The following PCDHGA1 variants were observed in gnomAD, a reference collection of about 807,000 sequenced individuals.
PCDHGA1 encodes protocadherin gamma-A1.
Under a neutral mutation model 58.0 loss-of-function variants are expected in PCDHGA1, and 32 were observed. The observed-to-expected ratio is 0.55, with a 90% CI of 0.42 to 0.74. PCDHGA1 has a LOEUF of 0.74. Ranked by LOEUF, PCDHGA1 falls within the 30% of genes least tolerant of loss-of-function variation. The pLI is 0.00. For missense variants in PCDHGA1, 1,205 were observed against 1,182.3 expected, an observed-to-expected ratio of 1.02 and a Z score of -0.28; for synonymous variants, 498 against 501.1, an observed-to-expected ratio of 0.99 and a Z score of 0.08.
At chr5:141,458,907 A>AT (rs759653270) in intron 1 of PCDHGA1, among the ~76,000 whole-genome samples, 1 of 151,752 alleles carries the variant, frequency 6.6e-6, no homozygotes, top group Non-Finnish European at 1.5e-5. Context: ...AATTTTTTCT[A>AT]TTTTTTGTGG....
At chr5:141,413,089 C>A in intron 1 of PCDHGA1, 1 of 1,401,120 alleles carries the variant, frequency 7.1e-7, no homozygotes, top group Non-Finnish European at 9.7e-7. Context: ...TACAGAGACA[C>A]CCTGAAGCCA....
chr5:141,374,406 T>A (rs748431130), intron 1 of PCDHGA1: 2 of 1,614,018 alleles, frequency 1.2e-6, no homozygotes, highest in East Asian at 2.2e-5. Context: ...AGTTTTAACA[T>A]CCTTGTCGAG....
At chr5:141,494,638 A>G (rs2099755799) in intron 1 of PCDHGA1, 169 bp from the exon 2 acceptor site, 1 of 896,388 alleles carries the variant, frequency 1.1e-6, no homozygotes, top group African/African-American at 1.8e-5. Context: ...GACCTCTGAG[A>G]CCTGAGGTGT....
rs2099412065 is a variant in PCDHGA1, at chr5:141,477,502, C to T, written c.2422-17305C>T. On this transcript the variant is annotated intron_variant, in intron 1 of 3. Coordinates refer to ENST00000517417, the MANE Select transcript of PCDHGA1 (RefSeq NM_018912.3). This position sits in a 1 kb window ranked among gnomAD's most constrained non-coding sequence, Gnocchi z 4.9. ...CTCCACAATCTTCTCAATCTTCCTACGACGTTTACATTGAAGAAAACAACC... is the reference window on the plus strand; with the variant it reads ...CTCCACAATCTTCTCAATCTTCCTATGACGTTTACATTGAAGAAAACAACC... 2 of 1,614,144 alleles carry T rather than the reference C, an allele frequency of 1.2e-6. No homozygotes were observed. Among genetic ancestry groups the T allele is most frequent in the Non-Finnish European group, 1.7e-6 (2 of 1,180,018 alleles).
At chr5:141,394,278 TACTC>T in intron 1 of PCDHGA1, 1 of 1,613,924 alleles carries the variant, frequency 6.2e-7, no homozygotes, top group East Asian at 2.2e-5. Flanking sequence ...CCAGGTCACT[TACTC>T]TGTGACCGAG....
intron 1 of PCDHGA1, chr5:141,413,663 AT>A (rs1344545568): frequency 6.2e-7 from 1 of 1,613,844 alleles, no homozygotes; most frequent in African/African-American, 1.3e-5. Flanking sequence ...GAAGCTATTG[AT>A]CCGGATGTGG....
intron 1 of PCDHGA1, among the ~76,000 whole-genome samples, chr5:141,445,953 T>C (rs550111391): frequency 2.0e-4 from 31 of 152,308 alleles, no homozygotes; most frequent in Middle Eastern, 3.4e-3. Flanking sequence ...CTCTGGCTGC[T>C]ATATGGAGAA....
At position 141,485,811 on chromosome 5, in the gene PCDHGA1, C is replaced by T; in HGVS notation, c.2422-8996C>T. 6.2e-7 allele frequency: 1 copy of T among 1,614,220 alleles called. No homozygotes were observed. The highest frequency in any genetic ancestry group is 8.5e-7 in the Non-Finnish European group (1 of 1,180,028). ...CAATCGGACTACCGCCTGGTGCTGA[C>T]TGCTGTCGATGGAGGGAACCCGCCG... On this transcript the variant is annotated intron_variant, in intron 1 of 3. Transcript: ENST00000517417. This position sits in a 1 kb window ranked among gnomAD's most constrained non-coding sequence, Gnocchi z 5.7.
chr5:141,361,128 C>T, intron 1 of PCDHGA1: 1 of 1,613,960 alleles, frequency 6.2e-7, no homozygotes, highest in African/African-American at 1.3e-5. Context: ...CAGCCCACTG[C>T]AGTATCCAAG....
intron 1 of PCDHGA1, among the ~76,000 whole-genome samples, chr5:141,369,456 C>T (rs920730246): frequency 5.3e-5 from 8 of 152,070 alleles, no homozygotes; most frequent in Non-Finnish European, 8.8e-5. Flanking sequence ...TGCTTAAAGC[C>T]AGGTGTTCTA....
chr5:141,421,418 G>C, intron 1 of PCDHGA1: 1 of 1,614,086 alleles, frequency 6.2e-7, no homozygotes, highest in Middle Eastern at 1.7e-4. Context: ...GCGAAGCGCG[G>C]AGTCCGCATC....
intron 2 of PCDHGA1, among the ~76,000 whole-genome samples, chr5:141,502,725 G>A (rs1020846462): frequency 2.0e-5 from 3 of 152,150 alleles, no homozygotes; most frequent in Non-Finnish European, 4.4e-5. Context: ...ATTACAAAGC[G>A]GTGATGTTCT....
chr5:141,346,009 C>T (rs747365510), intron 1 of PCDHGA1: 3 of 1,613,514 alleles, frequency 1.9e-6, no homozygotes, highest in Admixed American at 1.7e-5. Context: ...GCCACTGTCA[C>T]GCTCACCGTG....
Position 141,477,486 on chromosome 5 carries a change from C to A in PCDHGA1, c.2422-17321C>A. On this transcript the variant is annotated intron_variant, in intron 1 of 3. Coordinates refer to ENST00000517417, the MANE Select transcript of PCDHGA1 (RefSeq NM_018912.3). This position sits in a 1 kb window ranked among gnomAD's most constrained non-coding sequence, Gnocchi z 4.9. ...GACATCAATGACAACCCTCCACAAT[C>A]TTCTCAATCTTCCTACGACGTTTAC... is the stretch of plus-strand genomic sequence containing the variant. The A allele has an allele frequency of 6.2e-7, 1 of 1,614,170 alleles. No homozygotes were observed. The highest frequency in any genetic ancestry group is 8.5e-7 in the Non-Finnish European group (1 of 1,180,040).
rs530622003 is a variant in PCDHGA1, at chr5:141,437,077, T to G, written c.2422-57730T>G. ...TGATCATTATTTGGTTTGGGCCATA[T>G]AAGAATTGAAACTAACGGCTTAGCT... On this transcript the variant is annotated intron_variant, in intron 1 of 3. Transcript: ENST00000517417. Among the ~76,000 whole-genome samples, 107 of 152,372 alleles carry G rather than the reference T, an allele frequency of 7.0e-4. 1 individual carries two copies. The highest frequency in any genetic ancestry group is 6.4e-3 in the South Asian group (31 of 4,828).
chr5:141,373,895 T>TA, intron 1 of PCDHGA1: 1 of 534,638 alleles, frequency 1.9e-6, no homozygotes, highest in Non-Finnish European at 3.1e-6. Flanking sequence ...AAACTCAAGT[T>TA]ACATCCTCCA....
intron 1 of PCDHGA1, chr5:141,393,313 T>G: frequency 1.2e-6 from 2 of 1,613,324 alleles, no homozygotes; most frequent in Non-Finnish European, 1.7e-6. Flanking sequence ...GTGAACTCCC[T>G]CCAGAGCTAC....
At chr5:141,419,116 C>A in intron 1 of PCDHGA1, 2 of 1,613,888 alleles carry the variant, frequency 1.2e-6, no homozygotes. Context: ...CAGAGTACAA[C>A]GTCACCATCG....
chr5:141,386,441 T>C (rs908191919), intron 1 of PCDHGA1, among the ~76,000 whole-genome samples: 3 of 152,152 alleles, frequency 2.0e-5, no homozygotes, highest in African/African-American at 7.2e-5. Context: ...CATGGGAGGC[T>C]GAGGCAAGAG....
Sources: allele counts gnomAD v4.1 joint callset (sites outside exome capture counted in the v4.1 genomes callset), GRCh38; gene constraint gnomAD v4.1.1; non-coding constraint Gnocchi (gnomAD v3.1); transcripts MANE v1.5; gene names NCBI Gene and HGNC (gene_info 2026-07-23, HGNC 2026-07-21).